MAP4K1: variants seen among roughly 807,000 people sequenced by gnomAD.
MAP4K1 encodes the protein MAPK/ERK kinase kinase kinase 1.
MAP4K1 carries 35 observed loss-of-function variants against 122.8 expected under a neutral mutation model. That is an observed-to-expected ratio of 0.29 (90% confidence interval 0.22 to 0.38). The LOEUF (loss-of-function observed/expected upper bound fraction) is 0.38. MAP4K1 is among the 10% of genes least tolerant of loss of function. The pLI is 1.00. For missense variants in MAP4K1, 791 were observed against 1,072.6 expected, an observed-to-expected ratio of 0.74 and a Z score of 3.67; for synonymous variants, 412 against 421.3, an observed-to-expected ratio of 0.98 and a Z score of 0.27.
chr19:38,602,447 C>T (rs1289180126), intron 19 of MAP4K1, among the ~76,000 whole-genome samples: 2 of 146,772 alleles, frequency 1.4e-5, no homozygotes, highest in Admixed American at 6.7e-5. Flanking sequence ...TATACACACA[C>T]ACATACATAT....
At position 38,603,196 on chromosome 19, in the gene MAP4K1, A is replaced by G. The variant is rs1282065523; in HGVS notation, c.1447-1671T>C. ...CACATGTACATATATACGCATATAC[A>G]TATATACACATACATATATACACAT... On this transcript the variant is annotated intron_variant, in intron 19 of 30. Coordinates refer to ENST00000396857, the MANE Select transcript of MAP4K1 (RefSeq NM_001042600.3). Among the ~76,000 whole-genome samples the G allele has an allele frequency of 2.0e-5, 3 of 149,304 alleles. No individual in the cohort carries two copies. In the East Asian group the frequency reaches 5.9e-4, roughly 30 times the overall value.
Position 38,617,909 on chromosome 19 carries a change from A to T in MAP4K1, c.-14T>A. On this transcript the variant is annotated 5_prime_UTR_variant, in exon 1 of 31. Coordinates refer to ENST00000396857, the MANE Select transcript of MAP4K1 (RefSeq NM_001042600.3). This position sits in a 1 kb window ranked among gnomAD's most constrained non-coding sequence, Gnocchi z 4.1. ...CACGACGTCCATCCCTGGGGGCCTG[A>T]GCTGGGCCTGCGCCCAGGGGCCAGC... 6.2e-7 allele frequency: 1 copy of T among 1,611,806 alleles called. No individual in the cohort carries two copies. Among genetic ancestry groups the T allele is most frequent in the Non-Finnish European group, 8.5e-7 (1 of 1,178,010 alleles).
At chr19:38,606,151 C>A in intron 17 of MAP4K1, 22 bp downstream of exon 17, 1 of 1,577,246 alleles carries the variant, frequency 6.3e-7, no homozygotes. Flanking sequence ...CCCAGCCTCC[C>A]AGCTCTGGCC....
intron 4 of MAP4K1, 101 bp downstream of exon 4, chr19:38,616,094 C>T (rs896813338): frequency 1.2e-6 from 1 of 802,272 alleles, no homozygotes; most frequent in African/African-American, 1.8e-5. Flanking sequence ...AAAGACAGTT[C>T]CTGTGAGATA....
chr19:38,607,841 G>A (rs1239896091), intron 16 of MAP4K1, 23 bp downstream of exon 16: 1 of 1,609,010 alleles, frequency 6.2e-7, no homozygotes, highest in Non-Finnish European at 8.5e-7. Context: ...GGCCTGTGGA[G>A]CTGCAGGCAG....
chr19:38,608,260 G>A, intron 13 of MAP4K1, 90 bp from the exon 14 acceptor site: 1 of 575,976 alleles, frequency 1.7e-6, no homozygotes, highest in Non-Finnish European at 3.0e-6. Context: ...GAATTGGCGG[G>A]GGGGTTGCAG....
chr19:38,591,971 A>G (rs1391742459), intron 30 of MAP4K1, among the ~76,000 whole-genome samples: 1 of 129,610 alleles, frequency 7.7e-6, no homozygotes, highest in African/African-American at 3.5e-5. Context: ...AATCCGTCTC[A>G]AAAAAAAAAA....
In MAP4K1 at chr19:38,600,110, C is replaced by T. The variant is rs775448249; in HGVS notation, c.1575G>A (p.Leu525=). The T allele has an allele frequency of 9.3e-6, 15 of 1,614,016 alleles. No individual in the cohort carries two copies. Among genetic ancestry groups the T allele is most frequent in the Non-Finnish European group, 4.2e-6 (5 of 1,180,022 alleles). The part of the protein sequence containing the change: ...LLGAEEGIFI[L]NRNDQEATLE... ...GCGTGGCCTCCTGGTCATTCCGGTTCAGGATGAAGATGCCTTCCTCTGCCC... is the reference window on the plus strand; with the variant it reads ...GCGTGGCCTCCTGGTCATTCCGGTTTAGGATGAAGATGCCTTCCTCTGCCC... The change falls in exon 21 of 31, where the codon CTG becomes CTA. Residue 525 remains leucine (L), a synonymous_variant. Coordinates refer to ENST00000396857, the MANE Select transcript of MAP4K1 (RefSeq NM_001042600.3).
intron 19 of MAP4K1, among the ~76,000 whole-genome samples, chr19:38,602,773 T>C (rs1458328413): frequency 6.8e-6 from 1 of 147,252 alleles, no homozygotes; most frequent in African/African-American, 2.5e-5. Context: ...CATATACATA[T>C]ATACACATAT....
chr19:38,602,849 CACATAT>C (rs1975145681), intron 19 of MAP4K1, among the ~76,000 whole-genome samples: 1 of 147,544 alleles, frequency 6.8e-6, no homozygotes, highest in African/African-American at 2.5e-5. Flanking sequence ...TACATATATA[CACATAT>C]ACATATATAC....
Position 38,595,952 on chromosome 19 carries a change from C to G in MAP4K1, c.2166G>C (p.Met722Ile). The G allele has an allele frequency of 6.2e-7, 1 of 1,613,990 alleles. No individual in the cohort carries two copies. The highest frequency in any genetic ancestry group is 8.5e-7 in the Non-Finnish European group (1 of 1,179,976). ...QVTQVEEDMV[M>I]VLMDGSVKLV... Reference sequence around the variant, plus strand: ...GAGGGTTCTCACCATCCATCAACACCATCACCATATCTTCCTCTACCTGGG... The same window carrying G: ...GAGGGTTCTCACCATCCATCAACACGATCACCATATCTTCCTCTACCTGGG... The change falls in exon 27 of 31, where the codon ATG becomes ATC. Residue 722 changes from methionine to isoleucine, a missense_variant. By Grantham distance (10) the Met-to-Ile change is conservative. This residue lies in a region of MAP4K1 where 267 missense variants were observed against 323.0 expected (regional missense o/e 0.83). Transcript: ENST00000396857.
At position 38,593,308 on chromosome 19, in the gene MAP4K1, G is replaced by A. The variant is rs1974781627; in HGVS notation, c.2370C>T (p.Leu790=). 6.2e-7 allele frequency: 1 copy of A among 1,612,262 alleles called. No homozygotes were observed. Among genetic ancestry groups the A allele is most frequent in the Non-Finnish European group, 8.5e-7 (1 of 1,179,222 alleles). Residue 790 remains leucine (L), a synonymous_variant, in exon 30 of 31, where the codon CTC becomes CTT. Transcript: ENST00000396857. The part of the protein sequence containing the change: ...QLLQELRDPT[L]TFRLLGSPRP... ...TGGGGGAGCCAAGCAGACGGAAAGT[G>A]AGGGTAGGGTCTCTCAGCTCCTGTA...
At chr19:38,615,071 A>T (rs1466879525) in intron 4 of MAP4K1, among the ~76,000 whole-genome samples, 1 of 152,078 alleles carries the variant, frequency 6.6e-6, no homozygotes, top group Non-Finnish European at 1.5e-5. Context: ...AGGAGCTATG[A>T]CATTTCACAG....
intron 8 of MAP4K1, among the ~76,000 whole-genome samples, 170 bp from the exon 9 acceptor site, chr19:38,612,912 C>T (rs921752065): frequency 2.6e-5 from 4 of 152,100 alleles, no homozygotes; most frequent in African/African-American, 4.8e-5. Flanking sequence ...GAGATGCAGA[C>T]GGGGCGCGAT....
Position 38,597,509 on chromosome 19 carries a change from A to C in MAP4K1, c.1755T>G (p.Ile585Met), listed in dbSNP as rs1974927548. 6.2e-7 allele frequency: 1 copy of C among 1,613,984 alleles called. No homozygotes were observed. The highest frequency in any genetic ancestry group is 1.1e-5 in the South Asian group (1 of 91,058). ...ACCTTGCCAGTAGGCGGTGGGGGCT[A>C]ATGTGAGCGATGGGGTTTCCTGCTC... ...ETRAGNPIAH[I>M]SPHRLLARKN... Residue 585 changes from isoleucine (I) to methionine (M), a missense_variant, in exon 23 of 31, where the codon ATT becomes ATG. Ile to Met is a conservative substitution (Grantham distance 10). Around this residue, in one of 4 missense-constraint regions of MAP4K1, gnomAD observed 267 missense variants for 323.0 expected, o/e 0.83. Transcript: ENST00000396857. The surrounding 1 kb of genome is among the most constrained non-coding windows in gnomAD (Gnocchi z 4.6).
rs1249477231 is a variant in MAP4K1 at position 38,602,680 on chromosome 19, ATATACATATATACACACATATACATG to A, written c.1447-1181_1447-1156del. Among the ~76,000 whole-genome samples, 446 of 149,180 alleles carry A rather than the reference ATATACATATATACACACATATACATG, an allele frequency of 3.0e-3. 2 individuals carry two copies. Among genetic ancestry groups the A allele is most frequent in the African/African-American group, 9.0e-3 (365 of 40,764 alleles). ...TATATACACATGTACATATATACGC[ATATACATATATACACACATATACATG>A]TATACATATATACACACATATACAT... On this transcript the variant is annotated intron_variant, in intron 19 of 30. Transcript: ENST00000396857.
intron 4 of MAP4K1, chr19:38,614,979 A>C (rs1178648410): frequency 6.4e-6 from 1 of 155,234 alleles, no homozygotes; most frequent in African/African-American, 2.4e-5. Context: ...AGTAAGCAAG[A>C]TAAATAAGTA....
Position 38,609,531 on chromosome 19 carries a change from G to A in MAP4K1, c.1006+65C>T, listed in dbSNP as rs1024194990. On this transcript the variant is annotated intron_variant, in intron 13 of 30. Coordinates refer to ENST00000396857, the MANE Select transcript of MAP4K1 (RefSeq NM_001042600.3). ...GGGTCTCTGGAGGCCTGATGGTAGG[G>A]GAAGGTGGTCTCTTAGGTCTATTAT... 6.4e-6 allele frequency: 9 copies of A among 1,415,606 alleles called. No individual in the cohort carries two copies. The East Asian group carries it at 1.6e-4, about 26-fold the overall frequency. 87.7% of individuals were successfully genotyped at this position (1,415,606 alleles called of 1,614,324 possible).
intron 13 of MAP4K1, 25 bp downstream of exon 13, chr19:38,609,571 C>A: frequency 6.2e-7 from 1 of 1,607,988 alleles, no homozygotes; most frequent in Non-Finnish European, 8.5e-7. Flanking sequence ...TCAGGTGTCC[C>A]CAAACATAAG....
Sources: gnomAD v4.1 joint callset for allele counts (sites outside exome capture counted in the v4.1 genomes callset) on GRCh38, gnomAD v4.1.1 for gene constraint, gnomAD v4.1.1 regional missense constraint, Gnocchi (gnomAD v3.1) non-coding constraint, MANE v1.5 for transcripts, NCBI Gene and HGNC (gene_info 2026-07-23, HGNC 2026-07-21) for gene names.